The following SNTG1 variants were observed in gnomAD, a reference collection of about 807,000 sequenced individuals.
SNTG1 encodes the protein gamma-1-syntrophin.
In SNTG1, 39 loss-of-function variants were observed where a neutral mutation model predicts 74.7. The observed-to-expected ratio is 0.52, with a 90% confidence interval of 0.40 to 0.68. The LOEUF is 0.68. SNTG1 is among the 30% of genes least tolerant of loss of function. The probability of loss-of-function intolerance (pLI) is 0.00; values close to 1 mark genes in which losing one functional copy is unlikely to be tolerated. For synonymous variants in SNTG1, 254 were observed against 217.1 expected (o/e 1.17, Z -1.49); for missense variants, 685 against 609.5 (o/e 1.12, Z -1.30).
rs76321052 is a variant in SNTG1 at position 50,430,331 on chromosome 8, A to G, written c.163-8212A>G. Among the ~76,000 whole-genome samples the G allele has an allele frequency of 9.7e-3, 1,475 of 152,280 alleles. 28 individuals carry two copies. The highest frequency in any genetic ancestry group is 0.034 in the African/African-American group (1,409 of 41,548). ...TTTTTATGCATAAACATCAGTATCA[A>G]TATTAAGCTAAACATGAGTTTATAC... On this transcript the variant is annotated intron_variant, in intron 4 of 18. Transcript: ENST00000642720.
intron 13 of SNTG1, among the ~76,000 whole-genome samples, chr8:50,614,938 T>C (rs900542304): frequency 1.3e-5 from 2 of 151,044 alleles, no homozygotes; most frequent in Non-Finnish European, 3.0e-5. Flanking sequence ...CAAGAAGTAG[T>C]TTTTTCTTTT....
intron 2 of SNTG1, among the ~76,000 whole-genome samples, chr8:50,280,635 A>T (rs2088387809): frequency 6.6e-6 from 1 of 152,184 alleles, no homozygotes; most frequent in Non-Finnish European, 1.5e-5. Flanking sequence ...TATAAGTCAT[A>T]GGTGGATACA....
intron 3 of SNTG1, among the ~76,000 whole-genome samples, chr8:50,397,809 TGCCTGTGTTGAATTCTA>T: frequency 6.6e-6 from 1 of 152,302 alleles, no homozygotes; most frequent in South Asian, 2.1e-4. Flanking sequence ...AGAGCCTAGC[TGCCTGTGTTGAATTCTA>T]GCCTTTTCTT....
rs1274836572 is a variant in SNTG1, at chr8:50,792,955, A to G, written c.*126A>G. On this transcript the variant is annotated 3_prime_UTR_variant, in exon 19 of 19. Coordinates refer to ENST00000642720, the MANE Select transcript of SNTG1 (RefSeq NM_018967.5). ...AGTGGAGGCAAATCAAAATTTCGGC[A>G]GAAAAAGAAGGTCATGTGGAACCTC... is the stretch of plus-strand genomic sequence containing the variant. The G allele has an allele frequency of 9.3e-7, 1 of 1,079,896 alleles. No homozygotes were observed. Among genetic ancestry groups the G allele is most frequent in the Non-Finnish European group, 1.3e-6 (1 of 782,244 alleles). 66.9% of individuals were successfully genotyped at this position (1,079,896 alleles called of 1,614,324 possible). A position where few individuals can be genotyped will look rare whatever the true frequency, so the allele number is the denominator to read the frequency against.
At chr8:50,311,050 G>T (rs1185773922) in intron 2 of SNTG1, among the ~76,000 whole-genome samples, 1 of 152,292 alleles carries the variant, frequency 6.6e-6, no homozygotes, top group East Asian at 1.9e-4. Context: ...CTGATTCATT[G>T]CTTATTTCAC....
chr8:50,443,729 T>G (rs1413900339), intron 5 of SNTG1, among the ~76,000 whole-genome samples: 1 of 152,202 alleles, frequency 6.6e-6, no homozygotes, highest in Non-Finnish European at 1.5e-5. Context: ...GTCCTTACTC[T>G]TAATAACTAT....
intron 1 of SNTG1, among the ~76,000 whole-genome samples, chr8:50,152,477 A>G (rs979073993): frequency 6.6e-6 from 1 of 152,144 alleles, no homozygotes. Context: ...TTTGCTTGTT[A>G]ATTGATGCAG....
At chr8:50,407,443 G>C (rs1394928514) in intron 4 of SNTG1, among the ~76,000 whole-genome samples, 4 of 152,142 alleles carry the variant, frequency 2.6e-5, no homozygotes, top group African/African-American at 9.7e-5. Flanking sequence ...TTACTCATGA[G>C]GGAGAAAAAT....
At chr8:50,533,115 G>T (rs966163669) in intron 10 of SNTG1, among the ~76,000 whole-genome samples, 1 of 152,150 alleles carries the variant, frequency 6.6e-6, no homozygotes, top group Non-Finnish European at 1.5e-5. Context: ...CACTTGTTTT[G>T]CCAACCAAGA....
intron 11 of SNTG1, among the ~76,000 whole-genome samples, chr8:50,539,038 T>C (rs1483636): frequency 0.14 from 21,440 of 152,154 alleles, 1,653 homozygotes; most frequent in African/African-American, 0.19. Context: ...TAACTTCTTT[T>C]TTGAAGTTTT....
chr8:50,171,120 C>G (rs1357791375), intron 1 of SNTG1, among the ~76,000 whole-genome samples: 2 of 152,122 alleles, frequency 1.3e-5, no homozygotes, highest in East Asian at 1.9e-4. Flanking sequence ...TGCCACAAGT[C>G]CAGTCCACAG....
intron 2 of SNTG1, among the ~76,000 whole-genome samples, chr8:50,233,500 C>T (rs2085736390): frequency 6.6e-6 from 1 of 151,592 alleles, no homozygotes; most frequent in Non-Finnish European, 1.5e-5. Flanking sequence ...ATACTAGGAC[C>T]TAGAGTTTGG....
At chr8:50,188,278 G>T (rs906601868) in intron 2 of SNTG1, among the ~76,000 whole-genome samples, 3 of 152,010 alleles carry the variant, frequency 2.0e-5, no homozygotes, top group Non-Finnish European at 2.9e-5. Context: ...CAAGCCATTG[G>T]CTTCAGCTCA....
intron 2 of SNTG1, among the ~76,000 whole-genome samples, chr8:50,338,673 C>G (rs558800512): frequency 2.0e-4 from 30 of 151,808 alleles, no homozygotes; most frequent in African/African-American, 7.0e-4. Context: ...AAACTGGATA[C>G]AGCTAAGGAA....
intron 1 of SNTG1, among the ~76,000 whole-genome samples, chr8:50,029,386 A>G (rs1009944859): frequency 6.6e-6 from 1 of 152,038 alleles, no homozygotes; most frequent in Non-Finnish European, 1.5e-5. Flanking sequence ...AAAATATGCA[A>G]CTAATTATTA....
chr8:50,438,371 G>A (rs1259506379), intron 4 of SNTG1, among the ~76,000 whole-genome samples, 172 bp from the exon 5 acceptor site: 1 of 152,102 alleles, frequency 6.6e-6, no homozygotes, highest in African/African-American at 2.4e-5. Context: ...TGATTTAAAA[G>A]TCAAAGACTA....
intron 8 of SNTG1, among the ~76,000 whole-genome samples, chr8:50,497,653 ACT>A (rs955354962): frequency 6.6e-6 from 1 of 152,026 alleles, no homozygotes; most frequent in Non-Finnish European, 1.5e-5. Flanking sequence ...TCTTCACAGT[ACT>A]GTGTCCAGCA....
At chr8:50,413,876 C>A (rs946512263) in intron 4 of SNTG1, among the ~76,000 whole-genome samples, 15 of 152,148 alleles carry the variant, frequency 9.9e-5, no homozygotes, top group African/African-American at 3.6e-4. Context: ...ATTTCTGATT[C>A]TGGCTATTAT....
intron 2 of SNTG1, among the ~76,000 whole-genome samples, chr8:50,175,304 G>C (rs969580063): frequency 2.0e-5 from 3 of 152,174 alleles, no homozygotes; most frequent in South Asian, 4.1e-4. Flanking sequence ...GCAGCAGCGA[G>C]TGATCTAGAA....
Sources: allele counts gnomAD v4.1 joint callset (sites outside exome capture counted in the v4.1 genomes callset), GRCh38; gene constraint gnomAD v4.1.1; transcripts MANE v1.5; gene names NCBI Gene and HGNC (gene_info 2026-07-23, HGNC 2026-07-21).